Variants in PDE4B observed in about 807,000 individuals in gnomAD.
PDE4B encodes 3',5'-cyclic-AMP phosphodiesterase 4B.
A neutral mutation model predicts 82.2 loss-of-function variants in PDE4B; 20 were observed. That is an observed-to-expected ratio of 0.24 (90% confidence interval 0.17 to 0.35). PDE4B has a LOEUF of 0.35. PDE4B is among the 10% of genes least tolerant of loss of function. PDE4B has a pLI of 1.00. For synonymous variants in PDE4B, 320 were observed against 318.9 expected, an observed-to-expected ratio of 1.00 and a Z score of -0.04; for missense variants, 655 against 907.2, an observed-to-expected ratio of 0.72 and a Z score of 3.57.
upstream of PDE4B, chr1:65,792,586 C>T (rs1645583688): frequency 6.6e-6 from 1 of 151,986 alleles, no homozygotes; most frequent in Non-Finnish European, 1.5e-5. Flanking sequence ...TTTTGCAAAA[C>T]TCCCCTGGTA....
intron 10 of PDE4B, 111 bp from the exon 11 acceptor site, chr1:66,363,057 G>A: frequency 2.9e-6 from 2 of 699,328 alleles, no homozygotes; most frequent in Non-Finnish European, 5.0e-6. Flanking sequence ...AGCACTCTAA[G>A]GAGACACTCT....
intron 7 of PDE4B, among the ~76,000 whole-genome samples, chr1:66,268,779 A>G (rs1483006398): frequency 1.3e-5 from 2 of 152,004 alleles, no homozygotes; most frequent in Non-Finnish European, 2.9e-5. Context: ...TCATGGCTCA[A>G]TGCAAATGTC....
intron 7 of PDE4B, among the ~76,000 whole-genome samples, chr1:66,285,396 A>G (rs941265412): frequency 6.6e-6 from 1 of 152,116 alleles, no homozygotes; most frequent in Non-Finnish European, 1.5e-5. Flanking sequence ...TTCTTACATG[A>G]ATATATTGCA....
At chr1:66,342,962 T>C (rs116661526) in intron 8 of PDE4B, among the ~76,000 whole-genome samples, 12,756 of 152,008 alleles carry the variant, frequency 0.084, 648 homozygotes, top group South Asian at 0.24. Context: ...TGAGAATCGC[T>C]TGAGCCCTGG....
intron 3 of PDE4B, among the ~76,000 whole-genome samples, chr1:66,053,880 A>ATAC (rs1655168420): frequency 6.6e-6 from 1 of 152,122 alleles, no homozygotes; most frequent in Admixed American, 6.6e-5. Flanking sequence ...AATAATAATA[A>ATAC]TAAAAGGAAT....
At chr1:66,200,796 G>A (rs1648846780) in intron 3 of PDE4B, among the ~76,000 whole-genome samples, 1 of 152,092 alleles carries the variant, frequency 6.6e-6, no homozygotes, top group African/African-American at 2.4e-5. Flanking sequence ...CTGCAAACAG[G>A]GAGAATTTAC....
At position 66,257,647 on chromosome 1, in the gene PDE4B, A is replaced by G; in HGVS notation, c.477A>G (p.Gln159=). The change falls in exon 5 of 17, where the codon CAA becomes CAG. Residue 159 remains glutamine (Q), a splice_region_variant and synonymous_variant. Transcript: ENST00000341517. ...GGTTCTTTTTTTCTCTTTTCACCAGACACGGCGATGACTTGATTGTAACTC... is the reference window on the plus strand; with the variant it reads ...GGTTCTTTTTTTCTCTTTTCACCAGGCACGGCGATGACTTGATTGTAACTC... ...MSRNSSLPSE[Q]HGDDLIVTPF... The G allele has an allele frequency of 6.2e-7, 1 of 1,613,520 alleles. No homozygotes were observed. The highest frequency in any genetic ancestry group is 8.5e-7 in the Non-Finnish European group (1 of 1,179,514).
intron 3 of PDE4B, among the ~76,000 whole-genome samples, chr1:65,934,274 C>T (rs950547112): frequency 1.5e-4 from 23 of 152,134 alleles, no homozygotes; most frequent in African/African-American, 5.3e-4. Context: ...CATAGCAAGA[C>T]CCTATCTGTA....
intron 3 of PDE4B, among the ~76,000 whole-genome samples, chr1:66,072,559 T>G (rs775196992): frequency 6.6e-6 from 1 of 151,798 alleles, no homozygotes; most frequent in South Asian, 2.1e-4. Flanking sequence ...GAGAGTGGAG[T>G]TTTCCCTGTT....
intron 3 of PDE4B, among the ~76,000 whole-genome samples, chr1:65,986,809 T>C (rs1650977153): frequency 6.6e-6 from 1 of 152,090 alleles, no homozygotes; most frequent in East Asian, 1.9e-4. Context: ...ATTAATATTA[T>C]ACGCTGACAA....
intron 3 of PDE4B, among the ~76,000 whole-genome samples, chr1:66,100,991 C>T (rs1356336725): frequency 2.0e-5 from 3 of 152,118 alleles, no homozygotes; most frequent in Non-Finnish European, 4.4e-5. Context: ...CTCCCCCCAC[C>T]CCACAACAGG....
At chr1:66,136,253 A>G (rs1025457345) in intron 3 of PDE4B, among the ~76,000 whole-genome samples, 8 of 152,222 alleles carry the variant, frequency 5.3e-5, no homozygotes, top group African/African-American at 1.7e-4. Context: ...AACATGGACT[A>G]GTTGATATTT....
chr1:66,088,526 T>C (rs1644946902), intron 3 of PDE4B, among the ~76,000 whole-genome samples: 1 of 152,120 alleles, frequency 6.6e-6, no homozygotes, highest in South Asian at 2.1e-4. Flanking sequence ...TTACAGATTC[T>C]ACTCTAATAA....
intron 3 of PDE4B, among the ~76,000 whole-genome samples, chr1:66,106,667 G>T (rs1248634257): frequency 6.6e-6 from 1 of 152,176 alleles, no homozygotes; most frequent in African/African-American, 2.4e-5. Context: ...TTGGTCTTGG[G>T]AGGGCGTATG....
intron 1 of PDE4B, among the ~76,000 whole-genome samples, chr1:65,809,648 T>C (rs1645796951): frequency 6.6e-6 from 1 of 152,224 alleles, no homozygotes; most frequent in African/African-American, 2.4e-5. Flanking sequence ...GGCTTTAGCA[T>C]TCATAGCTTG....
At chr1:66,295,180 C>T (rs1657411693) in intron 7 of PDE4B, among the ~76,000 whole-genome samples, 1 of 152,102 alleles carries the variant, frequency 6.6e-6, no homozygotes, top group Admixed American at 6.6e-5. Flanking sequence ...TTCTTTATCT[C>T]CCAGCAGGAA....
At chr1:66,193,339 A>G (rs1303116310) in intron 3 of PDE4B, among the ~76,000 whole-genome samples, 1 of 152,204 alleles carries the variant, frequency 6.6e-6, no homozygotes, top group Non-Finnish European at 1.5e-5. Context: ...TATTTTACCA[A>G]ACCAGATTCC....
intron 1 of PDE4B, among the ~76,000 whole-genome samples, chr1:65,799,879 A>G (rs529343039): frequency 6.6e-6 from 1 of 152,290 alleles, no homozygotes; most frequent in South Asian, 2.1e-4. Context: ...CTTACAACAT[A>G]TATTAAGATT....
At chr1:65,869,894 T>C (rs553798256) in intron 1 of PDE4B, among the ~76,000 whole-genome samples, 1 of 152,188 alleles carries the variant, frequency 6.6e-6, no homozygotes, top group Non-Finnish European at 1.5e-5. Context: ...TTTCATCAAC[T>C]AACAGAAATC....
Sources: allele counts gnomAD v4.1 joint callset (sites outside exome capture counted in the v4.1 genomes callset), GRCh38; gene constraint gnomAD v4.1.1; transcripts MANE v1.5; gene names NCBI Gene and HGNC (gene_info 2026-07-23, HGNC 2026-07-21).